The following MIER1 variants were observed in gnomAD, a reference collection of about 807,000 sequenced individuals.
MIER1 encodes mesoderm induction early response protein 1.
MIER1 carries 40 observed loss-of-function variants against 75.7 expected under a neutral mutation model. The observed-to-expected ratio is 0.53, with a 90% CI of 0.41 to 0.69. MIER1 has a LOEUF of 0.69. Ranked by LOEUF, MIER1 falls within the 30% of genes least tolerant of loss-of-function variation. MIER1 has a pLI of 0.00. For missense variants in MIER1, 574 were observed against 680.2 expected (o/e 0.84, Z 1.74); for synonymous variants, 213 against 223.4 (o/e 0.95, Z 0.42).
chr1:66,963,764 C>T (rs1331353442), intron 8 of MIER1, among the ~76,000 whole-genome samples: 4 of 151,962 alleles, frequency 2.6e-5, no homozygotes, highest in African/African-American at 9.7e-5. Context: ...AAAAATTAGC[C>T]TGGCGTCGTG....
chr1:66,976,794 T>C, intron 12 of MIER1, 72 bp downstream of exon 12: 4 of 1,286,922 alleles, frequency 3.1e-6, no homozygotes, highest in Non-Finnish European at 4.1e-6. Flanking sequence ...CTTGAGTTAA[T>C]TATTATTTTG....
intron 2 of MIER1, among the ~76,000 whole-genome samples, chr1:66,929,461 CCAT>C (rs1446835877): frequency 2.0e-5 from 3 of 152,228 alleles, no homozygotes; most frequent in Non-Finnish European, 2.9e-5. Context: ...TTGGTTCTGG[CCAT>C]CATCAGCATT....
intron 2 of MIER1, among the ~76,000 whole-genome samples, chr1:66,938,119 C>T (rs547319398): frequency 2.2e-4 from 33 of 152,294 alleles, no homozygotes; most frequent in South Asian, 8.3e-4. Context: ...GTATCTTAAT[C>T]ATTGGGAAGT....
At chr1:66,940,518 T>A (rs922890263) in intron 3 of MIER1, among the ~76,000 whole-genome samples, 4 of 152,108 alleles carry the variant, frequency 2.6e-5, no homozygotes, top group African/African-American at 9.7e-5. Context: ...AAATAAGGAA[T>A]ATTCTAAATA....
chr1:66,969,161 T>C (rs1325724375), intron 8 of MIER1, among the ~76,000 whole-genome samples: 1 of 152,228 alleles, frequency 6.6e-6, no homozygotes, highest in Non-Finnish European at 1.5e-5. Flanking sequence ...CTTTGGGCTG[T>C]ACTTTAAACA....
At chr1:66,950,309 A>G (rs909915676) in intron 4 of MIER1, among the ~76,000 whole-genome samples, 1 of 151,934 alleles carries the variant, frequency 6.6e-6, no homozygotes, top group African/African-American at 2.4e-5. Flanking sequence ...AGGTTTCACC[A>G]TGTTGCCCAG....
chr1:66,945,438 C>T (rs1657395884), intron 3 of MIER1, among the ~76,000 whole-genome samples: 1 of 151,686 alleles, frequency 6.6e-6, no homozygotes, highest in Admixed American at 6.6e-5. Flanking sequence ...GTTTTTTTCT[C>T]TGAATGTTTT....
chr1:66,968,370 T>TA (rs1662852083), intron 8 of MIER1, among the ~76,000 whole-genome samples: 1 of 152,210 alleles, frequency 6.6e-6, no homozygotes, highest in South Asian at 2.1e-4. Context: ...GGGACAGTGC[T>TA]GATTAGTGCA....
chr1:66,964,145 C>T (rs1302074001), intron 8 of MIER1, among the ~76,000 whole-genome samples: 2 of 149,906 alleles, frequency 1.3e-5, no homozygotes, highest in African/African-American at 4.9e-5. Flanking sequence ...GATCTCGGCT[C>T]ACTGCAACCT....
At chr1:66,948,874 G>A (rs1215975890) in intron 4 of MIER1, among the ~76,000 whole-genome samples, 4 of 152,168 alleles carry the variant, frequency 2.6e-5, no homozygotes, top group African/African-American at 9.7e-5. Flanking sequence ...TCTCCAGCCT[G>A]GGTGACAGAA....
intron 8 of MIER1, among the ~76,000 whole-genome samples, chr1:66,969,372 C>T (rs1663094903): frequency 6.6e-6 from 1 of 151,642 alleles, no homozygotes; most frequent in South Asian, 2.1e-4. Flanking sequence ...CGGTGAAACT[C>T]TGTCTACTAA....
chr1:66,940,308 T>C, intron 3 of MIER1: 1 of 334,782 alleles, frequency 3.0e-6, no homozygotes. Flanking sequence ...TTGCCATATG[T>C]ATTTCTCACA....
intron 11 of MIER1, among the ~76,000 whole-genome samples, chr1:66,974,548 C>T (rs1264987407): frequency 2.6e-5 from 4 of 151,886 alleles, no homozygotes; most frequent in Non-Finnish European, 5.9e-5. Context: ...ATGTAACAAG[C>T]AGCAGCAACA....
At chr1:66,931,999 G>C (rs565886541) in intron 2 of MIER1, among the ~76,000 whole-genome samples, 30 of 151,826 alleles carry the variant, frequency 2.0e-4, no homozygotes, top group African/African-American at 7.2e-4. Flanking sequence ...TATTACTGAA[G>C]GAAAATAGCT....
At chr1:66,980,152 G>A (rs1665597205) in intron 12 of MIER1, among the ~76,000 whole-genome samples, 1 of 152,144 alleles carries the variant, frequency 6.6e-6, no homozygotes, top group Non-Finnish European at 1.5e-5. Flanking sequence ...TCTTCTGTTA[G>A]CCTTAGCACC....
rs772771577 is a variant in MIER1, at chr1:66,958,803, CA to C, written c.502-46del. On this transcript the variant is annotated intron_variant, in intron 5 of 13. Coordinates refer to ENST00000401041, the MANE Select transcript of MIER1 (RefSeq NM_001077700.3). Reference sequence around the variant, plus strand: ...TTTATATGCTATGGTCTTTCATCTGCAACTGTTTTCCTTACATCTTAGAGAA... The same window carrying C: ...TTTATATGCTATGGTCTTTCATCTGCACTGTTTTCCTTACATCTTAGAGAA... 6.7e-6 allele frequency: 10 copies of C among 1,491,442 alleles called. No individual in the cohort carries two copies. In the South Asian group the frequency reaches 1.3e-4, roughly 19 times the overall value. 92.4% of individuals were successfully genotyped at this position (1,491,442 alleles called of 1,614,324 possible).
At chr1:66,951,762 T>G (rs1398517506) in intron 4 of MIER1, among the ~76,000 whole-genome samples, 1 of 152,154 alleles carries the variant, frequency 6.6e-6, no homozygotes, top group Non-Finnish European at 1.5e-5. Flanking sequence ...TGTATTTTTA[T>G]TCATCATGTA....
At chr1:66,927,811 G>A (rs1221773021) in intron 2 of MIER1, among the ~76,000 whole-genome samples, 1 of 152,094 alleles carries the variant, frequency 6.6e-6, no homozygotes, top group Non-Finnish European at 1.5e-5. Flanking sequence ...CATGATGAGA[G>A]ATTACTATCT....
chr1:66,927,352 A>G (rs1652073842), intron 2 of MIER1, among the ~76,000 whole-genome samples: 1 of 152,108 alleles, frequency 6.6e-6, no homozygotes, highest in African/African-American at 2.4e-5. Flanking sequence ...CTCACATAAA[A>G]TTGGAATTCA....
Sources: gnomAD v4.1 joint callset for allele counts (sites outside exome capture counted in the v4.1 genomes callset) on GRCh38, gnomAD v4.1.1 for gene constraint, MANE v1.5 for transcripts, NCBI Gene and HGNC (gene_info 2026-07-23, HGNC 2026-07-21) for gene names.